UNC5A: variants seen among roughly 807,000 people sequenced by gnomAD.
UNC5A encodes netrin receptor UNC5A.
In UNC5A, 20 loss-of-function variants were observed where a neutral mutation model predicts 87.4. The observed-to-expected ratio is 0.23, with a 90% CI of 0.16 to 0.33. The LOEUF is 0.33. UNC5A is among the 10% of genes least tolerant of loss of function. The probability of loss-of-function intolerance (pLI) is 1.00; values close to 1 mark genes in which losing one functional copy is unlikely to be tolerated. For missense variants in UNC5A, 844 were observed against 1,133.4 expected (o/e 0.74, Z 3.67); for synonymous variants, 438 against 482.3 (o/e 0.91, Z 1.20).
chr5:176,872,246 C>CA (rs1758136609), intron 6 of UNC5A, among the ~76,000 whole-genome samples: 1 of 37,122 alleles, frequency 2.7e-5, no homozygotes, highest in Non-Finnish European at 6.5e-5. Context: ...CCACACCTGC[C>CA]CCAACACCAC....
intron 1 of UNC5A, among the ~76,000 whole-genome samples, chr5:176,822,566 G>A (rs975629049): frequency 2.6e-5 from 4 of 152,180 alleles, no homozygotes; most frequent in African/African-American, 4.8e-5. Context: ...GAGCCCGGGT[G>A]TGTCTCCAGG....
intron 1 of UNC5A, among the ~76,000 whole-genome samples, chr5:176,840,593 C>T (rs1015807469): frequency 1.2e-4 from 18 of 152,216 alleles, no homozygotes; most frequent in African/African-American, 4.3e-4. Context: ...CTCAGAGTGG[C>T]AGAGGGCTCA....
At chr5:176,833,182 G>C (rs1440091201) in intron 1 of UNC5A, among the ~76,000 whole-genome samples, 2 of 152,204 alleles carry the variant, frequency 1.3e-5, no homozygotes, top group Non-Finnish European at 2.9e-5. Context: ...TCAAGGTGGT[G>C]CGTGTGCAGG....
intron 3 of UNC5A, 106 bp from the exon 4 acceptor site, chr5:176,868,455 C>G: frequency 6.9e-7 from 1 of 1,443,544 alleles, no homozygotes; most frequent in Non-Finnish European, 9.4e-7. Context: ...CCACCTGGCA[C>G]TTCCTCTGCC....
At chr5:176,872,656 ACAC>A (rs1758151876) in intron 6 of UNC5A, among the ~76,000 whole-genome samples, 1 of 121,890 alleles carries the variant, frequency 8.2e-6, no homozygotes, top group Non-Finnish European at 1.7e-5. Context: ...ACACTCACCA[ACAC>A]CACAGCTTCA....
At chr5:176,833,716 T>C (rs981271950) in intron 1 of UNC5A, among the ~76,000 whole-genome samples, 1 of 150,370 alleles carries the variant, frequency 6.7e-6, no homozygotes, top group African/African-American at 2.4e-5. Flanking sequence ...TTTCTTTCTT[T>C]TTTTTTTTTT....
At position 176,865,104 on chromosome 5, in the gene UNC5A, C is replaced by G. The variant is rs925887705; in HGVS notation, c.292+2259C>G. Reference sequence around the variant, plus strand: ...AGCCATGAAATCTCACGTGCCCAGTCAGGACCCAGCACGGGGCCTTTCCTT... The same window carrying G: ...AGCCATGAAATCTCACGTGCCCAGTGAGGACCCAGCACGGGGCCTTTCCTT... On this transcript the variant is annotated intron_variant, in intron 2 of 14. Coordinates refer to ENST00000329542, the MANE Select transcript of UNC5A (RefSeq NM_133369.3). This position sits in a 1 kb window ranked among gnomAD's most constrained non-coding sequence, Gnocchi z 5.3. The G allele has an allele frequency of 3.0e-6, 1 of 330,154 alleles. No homozygotes were observed. The highest frequency in any genetic ancestry group is 4.3e-5 in the Admixed American group (1 of 23,312). 20.5% of individuals were successfully genotyped at this position (330,154 alleles called of 1,614,324 possible). A position where few individuals can be genotyped will look rare whatever the true frequency, so the allele number is the denominator to read the frequency against.
intron 1 of UNC5A, among the ~76,000 whole-genome samples, chr5:176,857,241 G>A (rs528787338): frequency 3.3e-5 from 5 of 152,340 alleles, no homozygotes; most frequent in African/African-American, 1.2e-4. Flanking sequence ...TCAGAGACGG[G>A]GACTGTGTTG....
chr5:176,817,952 G>A (rs970663352), intron 1 of UNC5A, among the ~76,000 whole-genome samples: 1 of 152,030 alleles, frequency 6.6e-6, no homozygotes, highest in East Asian at 1.9e-4. Context: ...GCCCGCCCGC[G>A]GCCGCCCGCC....
At chr5:176,831,050 G>C (rs189051923) in intron 1 of UNC5A, among the ~76,000 whole-genome samples, 92 of 152,134 alleles carry the variant, frequency 6.0e-4, no homozygotes, top group African/African-American at 2.0e-3. Flanking sequence ...TGGCCACACA[G>C]AAGCCCGTTC....
Position 176,868,838 on chromosome 5 carries a change from T to C in UNC5A, c.595T>C (p.Tyr199His). ...LVDPSLDPNV[Y>H]ITREHSLVVR... ...GGACCCGTCCCTGGACCCCAATGTA[T>C]ACATCACGCGGGAGCACAGCCTGGT... The change falls in exon 5 of 15, where the codon TAC (tyrosine) becomes CAC (histidine). Residue 199 changes from tyrosine to histidine, a missense_variant. Around this residue, in one of 3 missense-constraint regions of UNC5A, gnomAD observed 314 missense variants for 466.5 expected, o/e 0.67. Coordinates refer to ENST00000329542, the MANE Select transcript of UNC5A (RefSeq NM_133369.3). 6.2e-7 allele frequency: 1 copy of C among 1,612,548 alleles called. No homozygotes were observed. The highest frequency in any genetic ancestry group is 8.5e-7 in the Non-Finnish European group (1 of 1,179,556).
chr5:176,821,042 T>C (rs116031262), intron 1 of UNC5A, among the ~76,000 whole-genome samples: 238 of 152,324 alleles, frequency 1.6e-3, no homozygotes, highest in African/African-American at 5.4e-3. Flanking sequence ...CTTGCTTCCT[T>C]ATGATGACTA....
Position 176,869,946 on chromosome 5 carries a change from G to A in UNC5A, c.722-424G>A, listed in dbSNP as rs900597651. On this transcript the variant is annotated intron_variant, in intron 5 of 14. Transcript: ENST00000329542. The surrounding 1 kb of genome is among the most constrained non-coding windows in gnomAD (Gnocchi z 9.1). Reference sequence around the variant, plus strand: ...GATCGGGGTGCGGTGTATGGTTGGAGTCAGGGCTCGATCTGTGTCCAATGT... The same window carrying A: ...GATCGGGGTGCGGTGTATGGTTGGAATCAGGGCTCGATCTGTGTCCAATGT... 2.6e-5 allele frequency among the ~76,000 whole-genome samples: 4 copies of A among 152,200 alleles called. No individual in the cohort carries two copies. The highest frequency in any genetic ancestry group is 5.9e-5 in the Non-Finnish European group (4 of 68,024).
At chr5:176,812,892 G>A (rs1005492059) in intron 1 of UNC5A, among the ~76,000 whole-genome samples, 4 of 152,178 alleles carry the variant, frequency 2.6e-5, no homozygotes, top group Admixed American at 2.0e-4. Context: ...AGGCAGGCTG[G>A]CCCTGCCGTG....
At chr5:176,818,528 G>C (rs1756650361) in intron 1 of UNC5A, among the ~76,000 whole-genome samples, 1 of 152,188 alleles carries the variant, frequency 6.6e-6, no homozygotes, top group Non-Finnish European at 1.5e-5. Context: ...CAAAACCTCA[G>C]GACAACCTAC....
At chr5:176,839,058 G>A (rs1757207520) in intron 1 of UNC5A, among the ~76,000 whole-genome samples, 1 of 152,178 alleles carries the variant, frequency 6.6e-6, no homozygotes. Flanking sequence ...CTGCCTCTGT[G>A]CGTTTGCACC....
chr5:176,826,680 G>A (rs1336028086), intron 1 of UNC5A, among the ~76,000 whole-genome samples: 2 of 109,738 alleles, frequency 1.8e-5, no homozygotes, highest in African/African-American at 3.6e-5. Flanking sequence ...TTGCTCTGTT[G>A]CCCAGGCTGG....
chr5:176,818,141 A>G (rs1025179417), intron 1 of UNC5A, among the ~76,000 whole-genome samples: 2 of 152,106 alleles, frequency 1.3e-5, no homozygotes, highest in Non-Finnish European at 2.9e-5. Context: ...CCCCCTGAGA[A>G]GTGGGTGGGC....
intron 1 of UNC5A, among the ~76,000 whole-genome samples, chr5:176,846,251 C>A (rs1041114343): frequency 1.8e-4 from 28 of 151,944 alleles, no homozygotes; most frequent in Non-Finnish European, 3.5e-4. Context: ...GCCCTGGAGG[C>A]TGAGCCAAAA....
Sources: gnomAD v4.1 joint callset for allele counts (sites outside exome capture counted in the v4.1 genomes callset) on GRCh38, gnomAD v4.1.1 for gene constraint, gnomAD v4.1.1 regional missense constraint, Gnocchi (gnomAD v3.1) non-coding constraint, MANE v1.5 for transcripts, NCBI Gene and HGNC (gene_info 2026-07-23, HGNC 2026-07-21) for gene names.